The following PPM1H variants were observed in gnomAD, a reference collection of about 807,000 sequenced individuals.
The protein encoded by PPM1H is protein phosphatase, Mg2+/Mn2+ dependent 1H.
Under a neutral mutation model 54.9 loss-of-function variants are expected in PPM1H, and 27 were observed. That is an observed-to-expected ratio of 0.49 (90% CI 0.36 to 0.68). PPM1H has a LOEUF of 0.68. Among genes scored for constraint, PPM1H ranks in the 30% least tolerant of loss-of-function variants. The probability of loss-of-function intolerance (pLI) is 0.00; values close to 1 mark genes in which losing one functional copy is unlikely to be tolerated. For synonymous variants in PPM1H, 305 were observed against 270.8 expected (o/e 1.13, Z -1.24); for missense variants, 596 against 667.8 (o/e 0.89, Z 1.19).
chr12:62,790,706 G>C (rs1206718621), intron 3 of PPM1H, among the ~76,000 whole-genome samples: 1 of 152,218 alleles, frequency 6.6e-6, no homozygotes, highest in East Asian at 1.9e-4. Context: ...CCACGGGGAG[G>C]AGGTAGGAAT....
At chr12:62,830,201 C>T (rs1868335221) in intron 2 of PPM1H, among the ~76,000 whole-genome samples, 1 of 152,142 alleles carries the variant, frequency 6.6e-6, no homozygotes, top group South Asian at 2.1e-4. Context: ...CAATCAGCCT[C>T]CTTCTACCAT....
intron 1 of PPM1H, among the ~76,000 whole-genome samples, chr12:62,867,445 A>G (rs751717390): frequency 2.6e-5 from 4 of 151,746 alleles, no homozygotes; most frequent in Non-Finnish European, 5.9e-5. Context: ...GCCTCCTCCC[A>G]TAGACCCATA....
chr12:62,671,781 G>A (rs2136617457), intron 8 of PPM1H, among the ~76,000 whole-genome samples: 1 of 152,302 alleles, frequency 6.6e-6, no homozygotes, highest in East Asian at 1.9e-4. Flanking sequence ...GACTGGTGGT[G>A]AAGAAGGGAG....
intron 1 of PPM1H, among the ~76,000 whole-genome samples, chr12:62,887,774 A>G (rs545945859): frequency 1.1e-4 from 17 of 152,246 alleles, no homozygotes; most frequent in Non-Finnish European, 2.5e-4. Context: ...GGAGGGCCAC[A>G]AAGAGCACAT....
chr12:62,651,638 A>C (rs2075817060), intron 9 of PPM1H, among the ~76,000 whole-genome samples: 1 of 152,110 alleles, frequency 6.6e-6, no homozygotes, highest in Admixed American at 6.6e-5. Flanking sequence ...ACTTCCTTTG[A>C]GATTGGTTCT....
At chr12:62,924,707 A>G (rs1347528696) in intron 1 of PPM1H, among the ~76,000 whole-genome samples, 1 of 152,224 alleles carries the variant, frequency 6.6e-6, no homozygotes, top group Non-Finnish European at 1.5e-5. Flanking sequence ...TGATAACAAT[A>G]CAAGTAGCAG....
chr12:62,931,601 A>T (rs1411489842), intron 1 of PPM1H, among the ~76,000 whole-genome samples: 1 of 150,344 alleles, frequency 6.7e-6, no homozygotes, highest in South Asian at 2.1e-4. Flanking sequence ...AGATGAATAC[A>T]TCATAATTTA....
At chr12:62,693,912 C>G in intron 7 of PPM1H, 24 bp downstream of exon 7, 1 of 1,603,564 alleles carries the variant, frequency 6.2e-7, no homozygotes. Context: ...GTCCTCTCTA[C>G]CCAGGGGAAG....
chr12:62,696,970 T>C (rs1294847506), intron 6 of PPM1H, among the ~76,000 whole-genome samples: 1 of 152,180 alleles, frequency 6.6e-6, no homozygotes, highest in Non-Finnish European at 1.5e-5. Context: ...CCAGCTGATA[T>C]CTGATGAAGA....
intron 1 of PPM1H, among the ~76,000 whole-genome samples, chr12:62,925,729 T>C (rs11174720): frequency 0.087 from 13,205 of 152,280 alleles, 718 homozygotes; most frequent in East Asian, 0.22. Context: ...ATAGCCATAT[T>C]TAGTTCCAAA....
At chr12:62,861,064 G>C (rs797004112) in intron 1 of PPM1H, among the ~76,000 whole-genome samples, 1 of 152,178 alleles carries the variant, frequency 6.6e-6, no homozygotes, top group African/African-American at 2.4e-5. Context: ...AATGTAATAC[G>C]AGTAAGACGA....
rs1464850499 is a variant in PPM1H at position 62,644,171 on chromosome 12, A to AT, written c.*4317dup. On this transcript the variant is annotated 3_prime_UTR_variant, in exon 10 of 10. Coordinates refer to ENST00000228705, the MANE Select transcript of PPM1H (RefSeq NM_020700.2). ...AGTCAATGTTTCACAATCACAAAGCATAAAGGTACATGGTTCTGAAACAAT... is the reference window on the plus strand; with the variant it reads ...AGTCAATGTTTCACAATCACAAAGCATTAAAGGTACATGGTTCTGAAACAAT... 1 of 152,214 alleles carries AT rather than the reference A, an allele frequency of 6.6e-6. No homozygotes were observed. Among genetic ancestry groups the AT allele is most frequent in the Non-Finnish European group, 1.5e-5 (1 of 68,050 alleles). The allele number at this position is 152,214 out of a possible 1,614,324, so 9.4% of individuals were successfully genotyped here.
chr12:62,801,369 G>A (rs1340650456), intron 3 of PPM1H, among the ~76,000 whole-genome samples: 1 of 151,804 alleles, frequency 6.6e-6, no homozygotes, highest in Non-Finnish European at 1.5e-5. Context: ...TCAGGCTGGA[G>A]CACAGTGGCG....
intron 1 of PPM1H, among the ~76,000 whole-genome samples, chr12:62,877,691 A>G (rs1214622554): frequency 6.6e-6 from 1 of 152,160 alleles, no homozygotes; most frequent in Non-Finnish European, 1.5e-5. Flanking sequence ...ATCTTAAAGC[A>G]TTCTGTTCCA....
chr12:62,783,001 A>G (rs1348556903), intron 4 of PPM1H, among the ~76,000 whole-genome samples: 1 of 151,780 alleles, frequency 6.6e-6, no homozygotes, highest in Non-Finnish European at 1.5e-5. Context: ...GCTAATGTAT[A>G]TATATATTTT....
At chr12:62,897,240 A>G (rs192437074) in intron 1 of PPM1H, among the ~76,000 whole-genome samples, 1 of 151,594 alleles carries the variant, frequency 6.6e-6, no homozygotes, top group African/African-American at 2.4e-5. Flanking sequence ...CCTAGAACTT[A>G]AAGTATAATA....
intron 8 of PPM1H, among the ~76,000 whole-genome samples, chr12:62,688,379 T>A (rs2076065323): frequency 6.6e-6 from 1 of 151,996 alleles, no homozygotes; most frequent in Non-Finnish European, 1.5e-5. Flanking sequence ...GCCTTCTTAC[T>A]GGGTGAGAAA....
rs1204619876 is a variant in PPM1H, at chr12:62,646,243, AT to A, written c.*2245del. ...TTTCGATTTAGAGGTTTCTAGAGTT[AT>A]TCCTGAGACGTGCCATAGCAGTAAA... On this transcript the variant is annotated 3_prime_UTR_variant, in exon 10 of 10. Transcript: ENST00000228705. 1 of 152,234 alleles carries A rather than the reference AT, an allele frequency of 6.6e-6. No individual in the cohort carries two copies. Among genetic ancestry groups the A allele is most frequent in the Non-Finnish European group, 1.5e-5 (1 of 68,044 alleles). The allele number at this position is 152,234 out of a possible 1,614,324, so 9.4% of individuals were successfully genotyped here. A position where few individuals can be genotyped will look rare whatever the true frequency, so the allele number is the denominator to read the frequency against.
At chr12:62,898,072 C>T (rs916004338) in intron 1 of PPM1H, among the ~76,000 whole-genome samples, 1 of 152,208 alleles carries the variant, frequency 6.6e-6, no homozygotes, top group African/African-American at 2.4e-5. Context: ...AGGTCCTCTC[C>T]TTCTGCTGCC....
Sources: allele counts gnomAD v4.1 joint callset (sites outside exome capture counted in the v4.1 genomes callset), GRCh38; gene constraint gnomAD v4.1.1; transcripts MANE v1.5; gene names NCBI Gene and HGNC (gene_info 2026-07-23, HGNC 2026-07-21).